The following TECTA variants were observed in gnomAD, a reference collection of about 807,000 sequenced individuals.
TECTA encodes the protein alpha-tectorin.
In TECTA, 128 loss-of-function variants were observed where a neutral mutation model predicts 216.8. The observed-to-expected ratio is 0.59, with a 90% CI of 0.51 to 0.68. The LOEUF (loss-of-function observed/expected upper bound fraction) is 0.68, where lower values mean the gene tolerates loss of function less well. Ranked by LOEUF, TECTA falls within the 30% of genes least tolerant of loss-of-function variation. TECTA has a pLI of 0.00. For synonymous variants in TECTA, 1,089 were observed against 1,117.1 expected, an observed-to-expected ratio of 0.97 and a Z score of 0.50; for missense variants, 2,551 against 2,786.2, an observed-to-expected ratio of 0.92 and a Z score of 1.90.
chr11:121,189,708 T>C, intron 22 of TECTA, 56 bp from the exon 23 acceptor site: 1 of 1,502,920 alleles, frequency 6.7e-7, no homozygotes, highest in Non-Finnish European at 9.3e-7. Context: ...TTCCCTTCAA[T>C]ACCAGTGGAA....
At chr11:121,174,238 G>C (rs1258211552) in intron 20 of TECTA, among the ~76,000 whole-genome samples, 2 of 151,636 alleles carry the variant, frequency 1.3e-5, no homozygotes, top group African/African-American at 4.9e-5. Flanking sequence ...TTGAATAGGA[G>C]TGGTGAGAGA....
Position 121,184,721 on chromosome 11 carries a change from G to C in TECTA, c.6000-3111G>C, listed in dbSNP as rs963778943. 2.6e-5 allele frequency among the ~76,000 whole-genome samples: 4 copies of C among 152,168 alleles called. No individual in the cohort carries two copies. In the East Asian group the frequency reaches 7.7e-4, roughly 29 times the overall value. On this transcript the variant is annotated intron_variant, in intron 20 of 23. Transcript: ENST00000392793. ...ATCCTTTTAGGTTTCAAGACACACCGACTCCCTAAGTGACCAGGTGTGGTG... is the reference window on the plus strand; with the variant it reads ...ATCCTTTTAGGTTTCAAGACACACCCACTCCCTAAGTGACCAGGTGTGGTG...
At chr11:121,137,061 CTG>C (rs1178944505) in intron 10 of TECTA, among the ~76,000 whole-genome samples, 1 of 152,208 alleles carries the variant, frequency 6.6e-6, no homozygotes, top group East Asian at 1.9e-4. Context: ...CTACAGCTCA[CTG>C]TACTGTGCAA....
chr11:121,152,150 T>G (rs1371065798), intron 12 of TECTA, among the ~76,000 whole-genome samples: 1 of 152,222 alleles, frequency 6.6e-6, no homozygotes, highest in African/African-American at 2.4e-5. Flanking sequence ...CTGCCTTCTA[T>G]AGAAGCATCT....
At chr11:121,171,597 A>G (rs150055856) in intron 20 of TECTA, among the ~76,000 whole-genome samples, 15 of 152,116 alleles carry the variant, frequency 9.9e-5, no homozygotes, top group African/African-American at 3.4e-4. Flanking sequence ...AATTTCTTCC[A>G]TCAGCGTTTT....
At chr11:121,129,191 G>A (rs1197258894) in intron 9 of TECTA, among the ~76,000 whole-genome samples, 1 of 152,208 alleles carries the variant, frequency 6.6e-6, no homozygotes. Context: ...GTAGATAGAA[G>A]AATGGACAGC....
At position 121,137,721 on chromosome 11, in the gene TECTA, A is replaced by G; in HGVS notation, c.3242A>G (p.Glu1081Gly). The G allele has an allele frequency of 6.2e-7, 1 of 1,614,132 alleles. No individual in the cohort carries two copies. The highest frequency in any genetic ancestry group is 8.5e-7 in the Non-Finnish European group (1 of 1,180,024). Residue 1081 changes from glutamate to glycine, a missense_variant, in exon 11 of 24, where the codon GAG becomes GGG. Glu to Gly is a moderately conservative substitution (Grantham distance 98, BLOSUM62 -2). Around this residue, in one of 3 missense-constraint regions of TECTA, gnomAD observed 2,375 missense variants for 2,563.9 expected, o/e 0.93. Transcript: ENST00000392793. Reference protein sequence around the residue: ...HCETIPCKDDEYCMEEGGLYY... With the variant: ...HCETIPCKDDGYCMEEGGLYY... ...GAGACCATTCCCTGCAAGGATGATG[A>G]GTACTGCATGGAGGAAGGTGGCCTG...
At position 121,113,053 on chromosome 11, in the gene TECTA, G is replaced by C; in HGVS notation, c.487-19G>C. ...CCTGGGGAGTGCAAGTCATGAGACTGCGCATTCCCATCCTGTAGGTGAACA... is the reference window on the plus strand; with the variant it reads ...CCTGGGGAGTGCAAGTCATGAGACTCCGCATTCCCATCCTGTAGGTGAACA... On this transcript the variant is annotated intron_variant, in intron 4 of 23. Transcript: ENST00000392793. The surrounding 1 kb of genome is among the most constrained non-coding windows in gnomAD (Gnocchi z 4.2). 6.2e-7 allele frequency: 1 copy of C among 1,613,982 alleles called. No homozygotes were observed. The highest frequency in any genetic ancestry group is 1.1e-5 in the South Asian group (1 of 91,062).
In TECTA at chr11:121,162,266, A is replaced by T; in HGVS notation, c.5168A>T (p.Tyr1723Phe). 6.2e-7 allele frequency: 1 copy of T among 1,614,032 alleles called. No individual in the cohort carries two copies. Among genetic ancestry groups the T allele is most frequent in the Non-Finnish European group, 8.5e-7 (1 of 1,180,046 alleles). Residue 1723 changes from tyrosine (Y) to phenylalanine (F), a missense_variant, in exon 16 of 24, where the codon TAC (tyrosine) becomes TTC (phenylalanine). This residue lies in a region of TECTA where 2,375 missense variants were observed against 2,563.9 expected (regional missense o/e 0.93). Transcript: ENST00000392793. ...GAGTCCTGCTACCTGGACGGCTGCT[A>T]CAGCCACAAGAAGTTCCAGCTGTGC... Reference protein sequence around the residue: ...FYESCYLDGCYSHKKFQLCGS... With the variant: ...FYESCYLDGCFSHKKFQLCGS...
At chr11:121,132,221 T>C (rs1395254599) in intron 10 of TECTA, among the ~76,000 whole-genome samples, 1 of 152,216 alleles carries the variant, frequency 6.6e-6, no homozygotes, top group Admixed American at 6.5e-5. Flanking sequence ...CCCATTTGTT[T>C]CTTTTTATTT....
intron 13 of TECTA, among the ~76,000 whole-genome samples, chr11:121,156,491 G>A (rs1946942287): frequency 6.6e-6 from 1 of 151,968 alleles, no homozygotes; most frequent in Non-Finnish European, 1.5e-5. Context: ...CTATAGACAT[G>A]TGCCACCATG....
At chr11:121,150,904 A>G (rs1225820006) in intron 12 of TECTA, among the ~76,000 whole-genome samples, 1 of 152,130 alleles carries the variant, frequency 6.6e-6, no homozygotes, top group Non-Finnish European at 1.5e-5. Context: ...TCGGCCTCCC[A>G]AAGTGCTGGG....
At chr11:121,104,441 C>T (rs1016255264) in intron 2 of TECTA, among the ~76,000 whole-genome samples, 4 of 152,056 alleles carry the variant, frequency 2.6e-5, no homozygotes, top group African/African-American at 4.8e-5. Context: ...GGGGTTTGGA[C>T]GATGCATATA....
intron 6 of TECTA, among the ~76,000 whole-genome samples, chr11:121,116,001 C>G: frequency 6.6e-6 from 1 of 152,150 alleles, no homozygotes. Context: ...CATGGTCTGA[C>G]ACACCTGTGC....
chr11:121,138,723 G>T (rs888995824), intron 11 of TECTA, among the ~76,000 whole-genome samples: 1 of 152,302 alleles, frequency 6.6e-6, no homozygotes, highest in East Asian at 1.9e-4. Context: ...TGCACTCCTC[G>T]TCTGGCCTGC....
At chr11:121,157,247 A>G (rs1946950554) in intron 13 of TECTA, among the ~76,000 whole-genome samples, 1 of 152,176 alleles carries the variant, frequency 6.6e-6, no homozygotes, top group African/African-American at 2.4e-5. Flanking sequence ...ACAGCTGCAC[A>G]TTCAGGTTGA....
Position 121,145,653 on chromosome 11 carries a change from C to T in TECTA, c.3642C>T (p.Gly1214=). The T allele has an allele frequency of 1.9e-6, 3 of 1,614,176 alleles. No individual in the cohort carries two copies. The highest frequency in any genetic ancestry group is 1.6e-4 in the Middle Eastern group (1 of 6,062). The change falls in exon 12 of 24, where the codon GGC becomes GGT. Residue 1214 remains glycine, a synonymous_variant. Transcript: ENST00000392793. ...GFHVVVETDF[G]LKVVYDWKTF... ...ACGTGGTGGTGGAAACTGATTTTGGCCTGAAGGTTGTATATGACTGGAAGA... is the reference window on the plus strand; with the variant it reads ...ACGTGGTGGTGGAAACTGATTTTGGTCTGAAGGTTGTATATGACTGGAAGA...
At chr11:121,138,081 G>A in intron 11 of TECTA, 59 bp downstream of exon 11, 1 of 1,608,376 alleles carries the variant, frequency 6.2e-7, no homozygotes, top group Non-Finnish European at 8.5e-7. Context: ...GATGGGGTCG[G>A]CAAGCCAGGC....
At chr11:121,157,744 G>T in intron 13 of TECTA, 97 bp from the exon 14 acceptor site, 1 of 1,580,598 alleles carries the variant, frequency 6.3e-7, no homozygotes, top group Admixed American at 1.7e-5. Flanking sequence ...TTAAAGATAG[G>T]CTAGCCAAGC....
Sources: gnomAD v4.1 joint callset for allele counts (sites outside exome capture counted in the v4.1 genomes callset) on GRCh38, gnomAD v4.1.1 for gene constraint, gnomAD v4.1.1 regional missense constraint, Gnocchi (gnomAD v3.1) non-coding constraint, MANE v1.5 for transcripts, NCBI Gene and HGNC (gene_info 2026-07-23, HGNC 2026-07-21) for gene names.